The following SNTG1 variants were observed in gnomAD, a reference collection of about 807,000 sequenced individuals.
SNTG1 encodes gamma-1-syntrophin.
In SNTG1, 39 loss-of-function variants were observed where a neutral mutation model predicts 74.7. The observed-to-expected ratio is 0.52, with a 90% CI of 0.40 to 0.68. The LOEUF is 0.68. SNTG1 is among the 30% of genes least tolerant of loss of function. The probability of loss-of-function intolerance (pLI) is 0.00; values close to 1 mark genes in which losing one functional copy is unlikely to be tolerated. For missense variants in SNTG1, 685 were observed against 609.5 expected, an observed-to-expected ratio of 1.12 and a Z score of -1.30; for synonymous variants, 254 against 217.1, an observed-to-expected ratio of 1.17 and a Z score of -1.49.
chr8:50,039,986 A>G (rs1459102801), intron 1 of SNTG1, among the ~76,000 whole-genome samples: 1 of 152,156 alleles, frequency 6.6e-6, no homozygotes, highest in Admixed American at 6.6e-5. Flanking sequence ...GAAGGTGTCC[A>G]AGGGGCAGTG....
intron 2 of SNTG1, among the ~76,000 whole-genome samples, chr8:50,303,163 C>T (rs77975930): frequency 0.069 from 10,548 of 152,034 alleles, 406 homozygotes; most frequent in African/African-American, 0.086. Flanking sequence ...GTCTCTAAGA[C>T]GAGGACTTTT....
chr8:49,971,774 A>C (rs961035434), intron 1 of SNTG1, among the ~76,000 whole-genome samples: 8 of 152,166 alleles, frequency 5.3e-5, no homozygotes. Context: ...AATTGCTTCA[A>C]AGAGAATAAA....
chr8:50,764,749 T>G (rs547202636), intron 18 of SNTG1, among the ~76,000 whole-genome samples: 1 of 151,950 alleles, frequency 6.6e-6, no homozygotes, highest in Non-Finnish European at 1.5e-5. Context: ...ACCACCACTC[T>G]GTGTAGAGCC....
intron 13 of SNTG1, among the ~76,000 whole-genome samples, chr8:50,634,213 G>A (rs2095023658): frequency 6.6e-6 from 1 of 152,156 alleles, no homozygotes; most frequent in South Asian, 2.1e-4. Flanking sequence ...TATTTTTACT[G>A]ACATTTAATC....
intron 9 of SNTG1, among the ~76,000 whole-genome samples, chr8:50,505,475 A>G (rs2467208): frequency 0.37 from 56,568 of 151,990 alleles, 13,288 homozygotes; most frequent in African/African-American, 0.67. Context: ...TCCAATTTCT[A>G]CATATCCTCA....
intron 18 of SNTG1, among the ~76,000 whole-genome samples, chr8:50,772,679 G>A (rs1009355250): frequency 2.6e-5 from 4 of 152,076 alleles, no homozygotes; most frequent in Admixed American, 1.3e-4. Flanking sequence ...AATATGGTTT[G>A]TTCCTCTGAA....
intron 8 of SNTG1, among the ~76,000 whole-genome samples, chr8:50,475,995 A>C (rs1333524338): frequency 1.3e-5 from 2 of 152,142 alleles, no homozygotes; most frequent in African/African-American, 4.8e-5. Flanking sequence ...GCATGACTGG[A>C]GCACTGCTCC....
intron 9 of SNTG1, among the ~76,000 whole-genome samples, chr8:50,518,820 A>G (rs2094155455): frequency 1.3e-5 from 2 of 152,182 alleles, no homozygotes; most frequent in Non-Finnish European, 2.9e-5. Context: ...TTAATAGCCT[A>G]CCAACCAAAA....
At chr8:50,718,672 T>A (rs2095480532) in intron 17 of SNTG1, among the ~76,000 whole-genome samples, 1 of 152,130 alleles carries the variant, frequency 6.6e-6, no homozygotes, top group Non-Finnish European at 1.5e-5. Context: ...CCACTGTCAG[T>A]CAAAGCATGT....
chr8:50,289,062 G>C (rs2088943927), intron 2 of SNTG1, among the ~76,000 whole-genome samples: 2 of 152,114 alleles, frequency 1.3e-5, no homozygotes, highest in Non-Finnish European at 2.9e-5. Flanking sequence ...TTTACATTTT[G>C]CTTTGCAAAG....
intron 3 of SNTG1, among the ~76,000 whole-genome samples, chr8:50,398,111 A>G (rs1189717793): frequency 6.6e-6 from 1 of 152,200 alleles, no homozygotes; most frequent in African/African-American, 2.4e-5. Flanking sequence ...GCACCTGTTT[A>G]TTAGTTCCCA....
chr8:50,478,765 C>T (rs1313323101), intron 8 of SNTG1, among the ~76,000 whole-genome samples: 1 of 152,080 alleles, frequency 6.6e-6, no homozygotes, highest in East Asian at 1.9e-4. Context: ...AATGAGAAAG[C>T]AAATGGGTAC....
At chr8:50,606,850 A>G (rs1053684973) in intron 13 of SNTG1, among the ~76,000 whole-genome samples, 7 of 151,372 alleles carry the variant, frequency 4.6e-5, no homozygotes, top group African/African-American at 1.7e-4. Context: ...CCTTTTTTTT[A>G]TTTCTATCAA....
At chr8:50,515,806 G>A (rs865924843) in intron 9 of SNTG1, among the ~76,000 whole-genome samples, 1 of 152,104 alleles carries the variant, frequency 6.6e-6, no homozygotes, top group Non-Finnish European at 1.5e-5. Flanking sequence ...GCCCCAGTCA[G>A]GGGCTTATAG....
At chr8:50,573,447 T>C (rs74833315) in intron 12 of SNTG1, among the ~76,000 whole-genome samples, 5,111 of 152,044 alleles carry the variant, frequency 0.034, 135 homozygotes, top group African/African-American at 0.064. Context: ...CTTTAACCAC[T>C]TTAAGAGGTT....
At chr8:50,366,338 C>A (rs2092109012) in intron 2 of SNTG1, among the ~76,000 whole-genome samples, 4 of 152,116 alleles carry the variant, frequency 2.6e-5, no homozygotes, top group Non-Finnish European at 5.9e-5. Context: ...GCATCTTTAC[C>A]CAATAGCCTT....
At position 50,513,718 on chromosome 8, in the gene SNTG1, C is replaced by T. The variant is rs531487141; in HGVS notation, c.466+10838C>T. Among the ~76,000 whole-genome samples, 31 of 152,286 alleles carry T rather than the reference C, an allele frequency of 2.0e-4. No homozygotes were observed. In the South Asian group the frequency reaches 3.7e-3, roughly 18 times the overall value. On this transcript the variant is annotated intron_variant, in intron 9 of 18. Coordinates refer to ENST00000642720, the MANE Select transcript of SNTG1 (RefSeq NM_018967.5). ...TGGGCATAAGACCCTCCAAGCCATGCGCAGGATATAATCTCCTGGTGTGCC... is the reference window on the plus strand; with the variant it reads ...TGGGCATAAGACCCTCCAAGCCATGTGCAGGATATAATCTCCTGGTGTGCC...
chr8:50,409,133 A>C (rs960430259), intron 4 of SNTG1, among the ~76,000 whole-genome samples: 1 of 152,168 alleles, frequency 6.6e-6, no homozygotes, highest in Non-Finnish European at 1.5e-5. Flanking sequence ...AGCTCCTCAG[A>C]GGCTTCAGGA....
At chr8:50,564,768 T>C (rs1344307442) in intron 12 of SNTG1, among the ~76,000 whole-genome samples, 1 of 152,156 alleles carries the variant, frequency 6.6e-6, no homozygotes, top group East Asian at 1.9e-4. Context: ...TTTTGCCTTA[T>C]ATCTTTGAAA....
Sources: allele counts gnomAD v4.1 joint callset (sites outside exome capture counted in the v4.1 genomes callset), GRCh38; gene constraint gnomAD v4.1.1; transcripts MANE v1.5; gene names NCBI Gene and HGNC (gene_info 2026-07-23, HGNC 2026-07-21).